The following SPECC1L variants were observed in gnomAD, a reference collection of about 807,000 sequenced individuals.
SPECC1L encodes the protein cytospin-A.
In SPECC1L, 40 loss-of-function variants were observed where a neutral mutation model predicts 116.8. The observed-to-expected ratio is 0.34, with a 90% confidence interval of 0.27 to 0.45. The LOEUF (loss-of-function observed/expected upper bound fraction) is 0.45. Ranked by LOEUF, SPECC1L falls within the 20% of genes least tolerant of loss-of-function variation. The pLI, the probability that SPECC1L is intolerant of heterozygous loss-of-function variation, is 1.00. For synonymous variants in SPECC1L, 504 were observed against 500.6 expected (o/e 1.01, Z -0.09); for missense variants, 1,110 against 1,373.6 (o/e 0.81, Z 3.03).
chr22:24,304,646 A>G (rs374164253), intron 3 of SPECC1L, among the ~76,000 whole-genome samples: 4 of 152,352 alleles, frequency 2.6e-5, no homozygotes, highest in African/African-American at 9.6e-5. Flanking sequence ...TTTTGAAGTA[A>G]TATACTTTTC....
Position 24,416,696 on chromosome 22 carries a change from C to G in SPECC1L, c.*2073C>G, listed in dbSNP as rs960234050. On this transcript the variant is annotated 3_prime_UTR_variant, in exon 17 of 17. Coordinates refer to ENST00000314328, the MANE Select transcript of SPECC1L (RefSeq NM_015330.6). ...AGTTCCCAACTTTATCCCTTGCTGGCCATGCGAGCCCAGCCCTGGTGCCTC... is the reference window on the plus strand; with the variant it reads ...AGTTCCCAACTTTATCCCTTGCTGGGCATGCGAGCCCAGCCCTGGTGCCTC... 4 of 152,322 alleles carry G rather than the reference C, an allele frequency of 2.6e-5. No individual in the cohort carries two copies. Among genetic ancestry groups the G allele is most frequent in the African/African-American group, 9.6e-5 (4 of 41,458 alleles). 9.4% of individuals were successfully genotyped at this position (152,322 alleles called of 1,614,324 possible).
At chr22:24,382,016 TA>T (rs67149223) in intron 14 of SPECC1L, among the ~76,000 whole-genome samples, 33,101 of 151,408 alleles carry the variant, frequency 0.22, 3,876 homozygotes, top group Non-Finnish European at 0.26. Flanking sequence ...GACTAGTCAG[TA>T]AAAAAAAATC....
intron 4 of SPECC1L, among the ~76,000 whole-genome samples, chr22:24,318,420 C>T (rs1023974203): frequency 1.3e-5 from 2 of 152,130 alleles, no homozygotes; most frequent in Non-Finnish European, 2.9e-5. Context: ...ACTCGGCAGG[C>T]TGAGGCAGGA....
In SPECC1L at chr22:24,409,099, C is replaced by T. The variant is rs963564962; in HGVS notation, c.3088-2489C>T. On this transcript the variant is annotated intron_variant, in intron 14 of 16. Coordinates refer to ENST00000314328, the MANE Select transcript of SPECC1L (RefSeq NM_015330.6). The stretch of plus-strand genomic sequence containing the variant: ...CAGTATATAAAGAGGGGTCAGGATT[C>T]GTAAAGTGCTTTGTAAACTTTGTAA... 2.6e-5 allele frequency among the ~76,000 whole-genome samples: 4 copies of T among 152,216 alleles called. No homozygotes were observed. The South Asian group carries it at 6.2e-4, about 24-fold the overall frequency.
At chr22:24,412,974 C>T (rs972723050) in intron 16 of SPECC1L, among the ~76,000 whole-genome samples, 9 of 152,182 alleles carry the variant, frequency 5.9e-5, no homozygotes, top group Non-Finnish European at 1.3e-4. Context: ...ACCATGGGCC[C>T]AGCCAACCTT....
At chr22:24,391,077 C>G (rs1226936023) in intron 14 of SPECC1L, among the ~76,000 whole-genome samples, 3 of 151,476 alleles carry the variant, frequency 2.0e-5, no homozygotes, top group Non-Finnish European at 4.4e-5. Flanking sequence ...GGGTTTCACC[C>G]TGTTAGCAAG....
intron 9 of SPECC1L, among the ~76,000 whole-genome samples, chr22:24,335,374 C>T (rs937720250): frequency 2.6e-5 from 4 of 152,178 alleles, no homozygotes; most frequent in Non-Finnish European, 4.4e-5. Context: ...CTCTTTGCCT[C>T]AGTTGAACCA....
chr22:24,353,561 C>T lies in SPECC1L; in HGVS notation c.2743+6385C>T, dbSNP rs756512543. On this transcript the variant is annotated intron_variant, in intron 11 of 16. Transcript: ENST00000314328. ...CTGGGATTACAGGCGCATACCACCACACTCAGCTAATTTTTTTGTATTTTT... is the reference window on the plus strand; with the variant it reads ...CTGGGATTACAGGCGCATACCACCATACTCAGCTAATTTTTTTGTATTTTT... Among the ~76,000 whole-genome samples, 55 of 152,152 alleles carry T rather than the reference C, an allele frequency of 3.6e-4. 1 individual carries two copies. Among genetic ancestry groups the T allele is most frequent in the East Asian group, 5.8e-4 (3 of 5,188 alleles).
chr22:24,346,227 C>CAA (rs2041292338), intron 10 of SPECC1L, among the ~76,000 whole-genome samples: 1 of 152,048 alleles, frequency 6.6e-6, no homozygotes, highest in Non-Finnish European at 1.5e-5. Context: ...AGGCTGGTCT[C>CAA]AAACTCCTGA....
chr22:24,371,446 C>T (rs1450188052), intron 14 of SPECC1L, among the ~76,000 whole-genome samples: 1 of 152,066 alleles, frequency 6.6e-6, no homozygotes, highest in African/African-American at 2.4e-5. Context: ...GGCCCTATCT[C>T]TACAAAGATT....
intron 14 of SPECC1L, among the ~76,000 whole-genome samples, chr22:24,388,358 A>G (rs1201797302): frequency 6.7e-6 from 1 of 150,176 alleles, no homozygotes; most frequent in Non-Finnish European, 1.5e-5. Context: ...TCCTTGCGAT[A>G]GTTTGCTGAG....
chr22:24,414,309 G>T (rs1401348195), intron 16 of SPECC1L, among the ~76,000 whole-genome samples: 1 of 152,186 alleles, frequency 6.6e-6, no homozygotes, highest in Non-Finnish European at 1.5e-5. Flanking sequence ...CGTGAGCAGG[G>T]AGGCACCTTG....
intron 14 of SPECC1L, among the ~76,000 whole-genome samples, chr22:24,382,024 A>T (rs2042071773): frequency 6.6e-6 from 1 of 152,242 alleles, no homozygotes; most frequent in Admixed American, 6.5e-5. Flanking sequence ...AGTAAAAAAA[A>T]ATCAGTAATT....
chr22:24,376,867 A>G (rs547673156), intron 14 of SPECC1L, among the ~76,000 whole-genome samples: 16 of 151,752 alleles, frequency 1.1e-4, no homozygotes, highest in African/African-American at 3.9e-4. Flanking sequence ...ATGCCACACA[A>G]GATACAATTC....
intron 5 of SPECC1L, among the ~76,000 whole-genome samples, chr22:24,324,018 C>A (rs1417159568): frequency 6.6e-6 from 1 of 152,184 alleles, no homozygotes; most frequent in Non-Finnish European, 1.5e-5. Context: ...GTCAGTGTTA[C>A]AGCAACAGTT....
intron 11 of SPECC1L, among the ~76,000 whole-genome samples, chr22:24,362,521 C>T (rs1425428466): frequency 1.3e-5 from 2 of 152,224 alleles, no homozygotes; most frequent in African/African-American, 4.8e-5. Flanking sequence ...TTGTTGCCCT[C>T]AGACTAAAGT....
At chr22:24,305,591 T>C (rs893311394) in intron 3 of SPECC1L, among the ~76,000 whole-genome samples, 2 of 152,216 alleles carry the variant, frequency 1.3e-5, no homozygotes, top group Non-Finnish European at 2.9e-5. Flanking sequence ...TGGCAGACTT[T>C]TGGAGTTTCT....
chr22:24,369,180 A>G (rs2041828393), intron 13 of SPECC1L, 38 bp from the exon 14 acceptor site: 1 of 1,513,090 alleles, frequency 6.6e-7, no homozygotes, highest in South Asian at 1.1e-5. Context: ...CTGGTGCCCA[A>G]ACAAAAAATA....
intron 3 of SPECC1L, among the ~76,000 whole-genome samples, chr22:24,308,297 A>T (rs964852644): frequency 2.0e-5 from 3 of 152,220 alleles, no homozygotes; most frequent in African/African-American, 7.2e-5. Context: ...CCCAGTATCC[A>T]ATCCAGGATT....
Sources: allele counts gnomAD v4.1 joint callset (sites outside exome capture counted in the v4.1 genomes callset), GRCh38; gene constraint gnomAD v4.1.1; transcripts MANE v1.5; gene names NCBI Gene and HGNC (gene_info 2026-07-23, HGNC 2026-07-21).